The following BMPR1A variants were observed in gnomAD, a reference collection of about 807,000 sequenced individuals.
BMPR1A encodes bone morphogenetic protein receptor type 1A, also known as bone morphogenetic protein receptor type-1A.
Under a neutral mutation model 66.0 loss-of-function variants are expected in BMPR1A, and 7 were observed. The ratio of observed to expected loss-of-function variants is 0.11; its 90% confidence interval spans 0.06 to 0.20. The LOEUF is 0.20. BMPR1A is among the 10% of genes least tolerant of loss of function. The pLI, the probability that BMPR1A is intolerant of heterozygous loss-of-function variation, is 1.00. For synonymous variants in BMPR1A, 200 were observed against 229.7 expected, an observed-to-expected ratio of 0.87 and a Z score of 1.17; for missense variants, 408 against 669.1, an observed-to-expected ratio of 0.61 and a Z score of 4.31.
In BMPR1A at chr10:86,918,823, C is replaced by A. The variant is rs367920405; in HGVS notation, c.869-349C>A. ...TTTTTAGTAGAGACGGGGTTTCGCC[C>A]TGTTGGCCAGGCTGGTCTCGAGCTC... On this transcript the variant is annotated intron_variant, in intron 9 of 12. Transcript: ENST00000372037. Among the ~76,000 whole-genome samples, 495 of 152,070 alleles carry A rather than the reference C, an allele frequency of 3.3e-3. 2 individuals are homozygous for A. Among genetic ancestry groups the A allele is most frequent in the African/African-American group, 0.011 (459 of 41,508 alleles).
At chr10:86,846,400 T>C (rs111266518) in intron 2 of BMPR1A, among the ~76,000 whole-genome samples, 9 of 152,186 alleles carry the variant, frequency 5.9e-5, no homozygotes, top group African/African-American at 1.7e-4. Context: ...TGGGGTGTAG[T>C]TGAATGCCTC....
chr10:86,922,363 T>C (rs116252780), intron 11 of BMPR1A, among the ~76,000 whole-genome samples: 1,866 of 152,308 alleles, frequency 0.012, 35 homozygotes, highest in African/African-American at 0.041. Context: ...GCAGCAAACA[T>C]GAGGGTGCAG....
chr10:86,799,506 C>CTTCCTTCCTTCCTTCCTTCCT (rs1354339570), intron 1 of BMPR1A, among the ~76,000 whole-genome samples: 1 of 64,478 alleles, frequency 1.6e-5, no homozygotes, highest in African/African-American at 4.2e-5. Context: ...TCCTTCCTTC[C>CTTCCTTCCTTCCTTCCTTCCT]TTTCTTTTCT....
chr10:86,797,528 G>C (rs929880364), intron 1 of BMPR1A, among the ~76,000 whole-genome samples: 1 of 151,964 alleles, frequency 6.6e-6, no homozygotes, highest in East Asian at 1.9e-4. Flanking sequence ...ACTGCGCCCA[G>C]CCAATTTTTG....
rs145425157 is a variant in BMPR1A, at chr10:86,881,316, T to C, written c.67+5231T>C. Reference sequence around the variant, plus strand: ...GTCATTAATTTTGAAAACTGGTAAATAGAGGGAGAAATCAAACATTAATCT... The same window carrying C: ...GTCATTAATTTTGAAAACTGGTAAACAGAGGGAGAAATCAAACATTAATCT... On this transcript the variant is annotated intron_variant, in intron 3 of 12. Coordinates refer to ENST00000372037, the MANE Select transcript of BMPR1A (RefSeq NM_004329.3). Among the ~76,000 whole-genome samples the C allele has an allele frequency of 1.9e-3, 292 of 152,252 alleles. 1 individual carries two copies. The highest frequency in any genetic ancestry group is 3.4e-3 in the Middle Eastern group (1 of 294).
At chr10:86,771,084 T>G (rs1841251136) in intron 1 of BMPR1A, among the ~76,000 whole-genome samples, 2 of 152,372 alleles carry the variant, frequency 1.3e-5, no homozygotes, top group South Asian at 4.1e-4. Flanking sequence ...ATTTTAGCAT[T>G]AAGTGTATCA....
intron 5 of BMPR1A, among the ~76,000 whole-genome samples, chr10:86,896,284 CAT>C (rs1491322896): frequency 0.054 from 8,171 of 150,720 alleles, 289 homozygotes; most frequent in South Asian, 0.12. Flanking sequence ...GATCTTCTAT[CAT>C]AAAAAAAAAG....
At chr10:86,816,839 C>T (rs1449394996) in intron 1 of BMPR1A, among the ~76,000 whole-genome samples, 14 of 152,146 alleles carry the variant, frequency 9.2e-5, no homozygotes, top group Admixed American at 9.2e-4. Context: ...ACGAACCACT[C>T]TTTATGGGAA....
chr10:86,816,824 G>A, intron 1 of BMPR1A, among the ~76,000 whole-genome samples: 1 of 152,116 alleles, frequency 6.6e-6, no homozygotes, highest in Non-Finnish European at 1.5e-5. Context: ...GTCCAGTTGG[G>A]GTTGACGAAC....
chr10:86,766,513 T>C, intron 1 of BMPR1A, among the ~76,000 whole-genome samples: 1 of 152,214 alleles, frequency 6.6e-6, no homozygotes, highest in Middle Eastern at 3.2e-3. Context: ...GCCGTGCAGA[T>C]TGGATGGAAA....
intron 9 of BMPR1A, 31 bp downstream of exon 9, chr10:86,917,357 T>C (rs755830596): frequency 6.2e-7 from 1 of 1,612,690 alleles, no homozygotes; most frequent in Non-Finnish European, 8.5e-7. Context: ...TCAATTTCAT[T>C]TTTGACAAGG....
At chr10:86,790,514 G>T (rs925622772) in intron 1 of BMPR1A, among the ~76,000 whole-genome samples, 1 of 151,880 alleles carries the variant, frequency 6.6e-6, no homozygotes, top group African/African-American at 2.4e-5. Flanking sequence ...GTTTACAGCA[G>T]CATTATTCAT....
At chr10:86,861,826 G>A (rs1006161315) in intron 2 of BMPR1A, among the ~76,000 whole-genome samples, 2 of 152,254 alleles carry the variant, frequency 1.3e-5, no homozygotes, top group Non-Finnish European at 1.5e-5. Context: ...AGGGATGGAA[G>A]TGAGCAAAAG....
chr10:86,869,143 T>C (rs1842821699), intron 2 of BMPR1A, among the ~76,000 whole-genome samples: 1 of 152,184 alleles, frequency 6.6e-6, no homozygotes, highest in African/African-American at 2.4e-5. Flanking sequence ...TATCGTTAGA[T>C]ATTACAATTA....
At chr10:86,883,514 C>T (rs1353348367) in intron 3 of BMPR1A, among the ~76,000 whole-genome samples, 2 of 134,186 alleles carry the variant, frequency 1.5e-5, no homozygotes, top group African/African-American at 5.6e-5. Context: ...CACGCCACTG[C>T]ACTCTAGCCT....
chr10:86,763,578 T>C (rs960358302), intron 1 of BMPR1A, among the ~76,000 whole-genome samples: 3 of 152,164 alleles, frequency 2.0e-5, no homozygotes, highest in African/African-American at 7.2e-5. Flanking sequence ...CTTCTGACTT[T>C]TGGCTGAAGA....
rs1564725864 is a variant in BMPR1A at position 86,923,726 on chromosome 10, A to G, written c.*7A>G. Reference sequence around the variant, plus strand: ...CCAAGATGTAAAAATCTGATGGTTAAACCATCGGAGGAGAAACTCTAGACT... The same window carrying G: ...CCAAGATGTAAAAATCTGATGGTTAGACCATCGGAGGAGAAACTCTAGACT... On this transcript the variant is annotated 3_prime_UTR_variant, in exon 13 of 13. Transcript: ENST00000372037. The G allele has an allele frequency of 6.2e-7, 1 of 1,613,048 alleles. No homozygotes were observed. The highest frequency in any genetic ancestry group is 8.5e-7 in the Non-Finnish European group (1 of 1,180,004).
In BMPR1A at chr10:86,763,380, C is replaced by T. The variant is rs2883280; in HGVS notation, c.-268+6461C>T. On this transcript the variant is annotated intron_variant, in intron 1 of 12. Transcript: ENST00000372037. Reference sequence around the variant, plus strand: ...TTACTACTGAGTACCTATTCAATCACGGATGCCACACTAACCCAATCCGAA... The same window carrying T: ...TTACTACTGAGTACCTATTCAATCATGGATGCCACACTAACCCAATCCGAA... Among the ~76,000 whole-genome samples the T allele has an allele frequency of 0.27, 40,591 of 151,976 alleles. 6,822 individuals carry two copies. The highest frequency in any genetic ancestry group is 0.7 in the East Asian group (3,602 of 5,180).
At chr10:86,853,941 C>G (rs1010859424) in intron 2 of BMPR1A, among the ~76,000 whole-genome samples, 9 of 152,168 alleles carry the variant, frequency 5.9e-5, no homozygotes, top group Admixed American at 5.2e-4. Flanking sequence ...TTGAGAGCAA[C>G]CAGTCTGACC....
Sources: allele counts gnomAD v4.1 joint callset (sites outside exome capture counted in the v4.1 genomes callset), GRCh38; gene constraint gnomAD v4.1.1; transcripts MANE v1.5; gene names NCBI Gene and HGNC (gene_info 2026-07-23, HGNC 2026-07-21).